Variants in SCN1B observed in about 807,000 individuals in gnomAD.
The protein encoded by SCN1B is sodium voltage-gated channel beta subunit 1.
A neutral mutation model predicts 25.7 loss-of-function variants in SCN1B; 11 were observed. The ratio of observed to expected loss-of-function variants is 0.43; its 90% confidence interval spans 0.27 to 0.71. The LOEUF is 0.71. SCN1B is among the 30% of genes least tolerant of loss of function. The pLI is 0.21. For synonymous variants in SCN1B, 119 were observed against 117.5 expected (o/e 1.01, Z -0.08); for missense variants, 224 against 291.5 (o/e 0.77, Z 1.69).
chr19:35,033,711 G>A lies in SCN1B; in HGVS notation c.420G>A (p.Lys140=). ...ACGAGCACAACACCAGCGTCGTCAA[G>A]AAGATCCACATTGAGGTAGTGGACA... The part of the protein sequence containing the change: ...ENYEHNTSVV[K]KIHIEVVDKA... Residue 140 remains lysine, a synonymous_variant, in exon 3 of 6, where the codon AAG becomes AAA. Transcript: ENST00000262631. 2 of 1,614,176 alleles carry A rather than the reference G, an allele frequency of 1.2e-6. No homozygotes were observed. The highest frequency in any genetic ancestry group is 8.5e-7 in the Non-Finnish European group (1 of 1,180,038).
rs2064219469 is a variant in SCN1B at position 35,032,418 on chromosome 19, A to G, written c.41-110A>G. On this transcript the variant is annotated intron_variant, in intron 1 of 5. Transcript: ENST00000262631. This position sits in a 1 kb window ranked among gnomAD's most constrained non-coding sequence, Gnocchi z 4.3. ...AGTGACAGGGCTCAGCCTAGCATCCAGTCCTGTCTGCTGGTAATCATTGAG... is the reference window on the plus strand; with the variant it reads ...AGTGACAGGGCTCAGCCTAGCATCCGGTCCTGTCTGCTGGTAATCATTGAG... 7.7e-7 allele frequency: 1 copy of G among 1,301,244 alleles called. No homozygotes were observed. Among genetic ancestry groups the G allele is most frequent in the Non-Finnish European group, 1.1e-6 (1 of 914,128 alleles). 80.6% of individuals were successfully genotyped at this position (1,301,244 alleles called of 1,614,324 possible).
At chr19:35,034,335 C>T (rs2064235450) in intron 3 of SCN1B, 1 of 645,950 alleles carries the variant, frequency 1.5e-6, no homozygotes, top group South Asian at 2.0e-5. Flanking sequence ...CACTCAACAC[C>T]TCTGGGGCGG....
chr19:35,034,138 T>A, intron 3 of SCN1B: 1 of 1,551,220 alleles, frequency 6.4e-7, no homozygotes, highest in Non-Finnish European at 8.7e-7. Context: ...ATTGAGCAGC[T>A]GCAGGCACAC....
Position 35,032,490 on chromosome 19 carries a change from G to A in SCN1B, c.41-38G>A, listed in dbSNP as rs370882059. 2 of 1,610,936 alleles carry A rather than the reference G, an allele frequency of 1.2e-6. No individual in the cohort carries two copies. The highest frequency in any genetic ancestry group is 2.2e-5 in the East Asian group (1 of 44,890). On this transcript the variant is annotated intron_variant, in intron 1 of 5. Coordinates refer to ENST00000262631, the MANE Select transcript of SCN1B (RefSeq NM_001037.5). The surrounding 1 kb of genome is among the most constrained non-coding windows in gnomAD (Gnocchi z 4.3). ...GGGGTCTGGCATTGCTTAGGGCAAT[G>A]GGTGCCTCTGCCTGACCTGAGCCTG...
At chr19:35,037,309 C>G (rs1472495550) in intron 3 of SCN1B, 3 of 152,182 alleles carry the variant, frequency 2.0e-5, no homozygotes, top group Non-Finnish European at 4.4e-5. Context: ...TGGATCCACA[C>G]AACGGGAGTG....
At position 35,033,747 on chromosome 19, in the gene SCN1B, G is replaced by C. The variant is rs200222933; in HGVS notation, c.448+8G>C. The C allele has an allele frequency of 4.8e-5, 78 of 1,614,044 alleles. No homozygotes were observed. In the Admixed American group the frequency reaches 1.0e-3, roughly 21 times the overall value. On this transcript the variant is annotated splice_region_variant and intron_variant, in intron 3 of 5. Coordinates refer to ENST00000262631, the MANE Select transcript of SCN1B (RefSeq NM_001037.5). Reference sequence around the variant, plus strand: ...TTGAGGTAGTGGACAAAGGTGAGTCGGGTGCTGCCTGCCCCTTTACCGTCA... The same window carrying C: ...TTGAGGTAGTGGACAAAGGTGAGTCCGGTGCTGCCTGCCCCTTTACCGTCA...
At chr19:35,039,364 G>T in intron 4 of SCN1B, 106 bp downstream of exon 4, 1 of 1,514,176 alleles carries the variant, frequency 6.6e-7, no homozygotes, top group South Asian at 1.1e-5. Context: ...GCGGCCCAGG[G>T]CGCCATCTCT....
rs1179488943 is a variant in SCN1B, at chr19:35,032,286, G to A, written c.41-242G>A. ...TCCCATGTACAAGGCCCTACCTAAT[G>A]TATGAAAATGGGCCCAGCCATTGCT... On this transcript the variant is annotated intron_variant, in intron 1 of 5. Transcript: ENST00000262631. The surrounding 1 kb of genome is among the most constrained non-coding windows in gnomAD (Gnocchi z 4.3). Among the ~76,000 whole-genome samples the A allele has an allele frequency of 6.6e-6, 1 of 152,190 alleles. No homozygotes were observed. Among genetic ancestry groups the A allele is most frequent in the Non-Finnish European group, 1.5e-5 (1 of 68,038 alleles).
Position 35,033,958 on chromosome 19 carries a change from C to A in SCN1B, c.448+219C>A, listed in dbSNP as rs754870200. ...GAGAGGTCAAAGCATGCCTGTCCCC[C>A]ACAGACGCTCCGGGTACAGAACCCA... On this transcript the variant is annotated intron_variant, in intron 3 of 5. Transcript: ENST00000262631. 8.4e-6 allele frequency: 13 copies of A among 1,552,976 alleles called. No homozygotes were observed. The highest frequency in any genetic ancestry group is 1.2e-5 in the South Asian group (1 of 84,508).
intron 3 of SCN1B, chr19:35,038,457 C>T (rs1252205523): frequency 1.3e-5 from 2 of 159,514 alleles, no homozygotes; most frequent in South Asian, 1.8e-4. Context: ...TAACTCATTT[C>T]CTCTCCAGCA....
At chr19:35,033,860 A>C in intron 3 of SCN1B, 121 bp downstream of exon 3, 1 of 1,610,118 alleles carries the variant, frequency 6.2e-7, no homozygotes, top group South Asian at 1.1e-5. Context: ...CGCCCACAGC[A>C]GCGGGCTGAG....
At position 35,033,899 on chromosome 19, in the gene SCN1B, T is replaced by C. The variant is rs1246222027; in HGVS notation, c.448+160T>C. 3.1e-6 allele frequency: 5 copies of C among 1,587,956 alleles called. No homozygotes were observed. The highest frequency in any genetic ancestry group is 1.7e-4 in the Middle Eastern group (1 of 6,024). ...GAGGGGAGCAGCCCCTCCTGCCCAC[T>C]CCAGCTCTGGCCTCTGTTTCTCTCC... On this transcript the variant is annotated intron_variant, in intron 3 of 5. Coordinates refer to ENST00000262631, the MANE Select transcript of SCN1B (RefSeq NM_001037.5).
In SCN1B at chr19:35,032,171, TC is replaced by T. The variant is rs2064217924; in HGVS notation, c.41-355del. Among the ~76,000 whole-genome samples, 1 of 152,200 alleles carries T rather than the reference TC, an allele frequency of 6.6e-6. No homozygotes were observed. The highest frequency in any genetic ancestry group is 2.4e-5 in the African/African-American group (1 of 41,444). ...CATTCTACCACCTAGATGCTTGGGTTCCTCCAGCAAGGGACTTTCTGAGGAA... is the reference window on the plus strand; with the variant it reads ...CATTCTACCACCTAGATGCTTGGGTTCTCCAGCAAGGGACTTTCTGAGGAA... On this transcript the variant is annotated intron_variant, in intron 1 of 5. Transcript: ENST00000262631. This position sits in a 1 kb window ranked among gnomAD's most constrained non-coding sequence, Gnocchi z 4.3.
At chr19:35,038,678 A>C in intron 3 of SCN1B, 1 of 262,944 alleles carries the variant, frequency 3.8e-6, no homozygotes, top group Non-Finnish European at 7.5e-6. Context: ...ACCTTCACTG[A>C]GTGCCATTTA....
At chr19:35,039,319 G>A in intron 4 of SCN1B, 61 bp downstream of exon 4, 1 of 1,601,822 alleles carries the variant, frequency 6.2e-7, no homozygotes, top group South Asian at 1.1e-5. Context: ...TGCCAGAGAG[G>A]AACTCCGGAG....
chr19:35,037,265 C>G (rs753241315), intron 3 of SCN1B: 1 of 152,196 alleles, frequency 6.6e-6, no homozygotes, highest in African/African-American at 2.4e-5. Context: ...TAGGAGAAGG[C>G]AGATGGGGAC....
Position 35,032,383 on chromosome 19 carries a change from T to G in SCN1B, c.41-145T>G. On this transcript the variant is annotated intron_variant, in intron 1 of 5. Coordinates refer to ENST00000262631, the MANE Select transcript of SCN1B (RefSeq NM_001037.5). This position sits in a 1 kb window ranked among gnomAD's most constrained non-coding sequence, Gnocchi z 4.3. ...CTCAGGGATGAATGACTTGCTGAGGTCACGCAGTGAGTGACAGGGCTCAGC... is the reference window on the plus strand; with the variant it reads ...CTCAGGGATGAATGACTTGCTGAGGGCACGCAGTGAGTGACAGGGCTCAGC... The G allele has an allele frequency of 1.2e-6, 1 of 845,894 alleles. No homozygotes were observed. Among genetic ancestry groups the G allele is most frequent in the Non-Finnish European group, 1.9e-6 (1 of 526,614 alleles). The allele number at this position is 845,894 out of a possible 1,614,324, so 52.4% of individuals were successfully genotyped here. A position where few individuals can be genotyped will look rare whatever the true frequency, so the allele number is the denominator to read the frequency against.
In SCN1B at chr19:35,039,804, GC is replaced by G; in HGVS notation, c.*17del. On this transcript the variant is annotated 3_prime_UTR_variant, in exon 6 of 6. Coordinates refer to ENST00000262631, the MANE Select transcript of SCN1B (RefSeq NM_001037.5). ...TCTCTTGCTCCCCTTCAGGCCCTGG[GC>G]CCCGCCTCAAGGAAGAGCCAGCCGT... is the stretch of plus-strand genomic sequence containing the variant. The G allele has an allele frequency of 7.9e-7, 1 of 1,268,050 alleles. No homozygotes were observed. The highest frequency in any genetic ancestry group is 1.1e-6 in the Non-Finnish European group (1 of 894,852). 78.5% of individuals were successfully genotyped at this position (1,268,050 alleles called of 1,614,324 possible).
chr19:35,033,898 C>T lies in SCN1B; in HGVS notation c.448+159C>T, dbSNP rs774036126. On this transcript the variant is annotated intron_variant, in intron 3 of 5. Coordinates refer to ENST00000262631, the MANE Select transcript of SCN1B (RefSeq NM_001037.5). ...GGAGGGGAGCAGCCCCTCCTGCCCA[C>T]TCCAGCTCTGGCCTCTGTTTCTCTC... 3.0e-5 allele frequency: 48 copies of T among 1,589,108 alleles called. No individual in the cohort carries two copies. Among genetic ancestry groups the T allele is most frequent in the South Asian group, 2.0e-4 (18 of 88,782 alleles).
Sources: allele counts gnomAD v4.1 joint callset (sites outside exome capture counted in the v4.1 genomes callset), GRCh38; gene constraint gnomAD v4.1.1; non-coding constraint Gnocchi (gnomAD v3.1); transcripts MANE v1.5; gene names NCBI Gene and HGNC (gene_info 2026-07-23, HGNC 2026-07-21).